NCAM1: variants seen among roughly 807,000 people sequenced by gnomAD.
The protein encoded by NCAM1 is antigen recognized by monoclonal antibody 5.1H11.
In NCAM1, 14 loss-of-function variants were observed where a neutral mutation model predicts 109.8. That is an observed-to-expected ratio of 0.13 (90% CI 0.08 to 0.20). The LOEUF (loss-of-function observed/expected upper bound fraction) is 0.20, where lower values mean the gene tolerates loss of function less well. NCAM1 is among the 10% of genes least tolerant of loss of function. The probability of loss-of-function intolerance (pLI) is 1.00; values close to 1 mark genes in which losing one functional copy is unlikely to be tolerated. For missense variants in NCAM1, 774 were observed against 1,109.9 expected (o/e 0.70, Z 4.30); for synonymous variants, 418 against 442.9 (o/e 0.94, Z 0.70).
At chr11:113,269,812 G>C (rs540488818) in intron 17 of NCAM1, 1 of 292,750 alleles carries the variant, frequency 3.4e-6, no homozygotes, top group Non-Finnish European at 6.6e-6. Flanking sequence ...AGTGATCACT[G>C]CCTGCCTGTG....
chr11:113,093,221 A>G (rs1939434801), intron 1 of NCAM1, among the ~76,000 whole-genome samples: 1 of 152,206 alleles, frequency 6.6e-6, no homozygotes, highest in African/African-American at 2.4e-5. Context: ...CCTAGCTCCC[A>G]GATGGAGGCC....
In NCAM1 at chr11:113,235,172, A is replaced by G; in HGVS notation, c.1825+8A>G. 1 of 1,613,926 alleles carries G rather than the reference A, an allele frequency of 6.2e-7. No individual in the cohort carries two copies. The highest frequency in any genetic ancestry group is 8.5e-7 in the Non-Finnish European group (1 of 1,179,846). On this transcript the variant is annotated splice_region_variant and intron_variant, in intron 14 of 19. Coordinates refer to ENST00000316851, the MANE Select transcript of NCAM1 (RefSeq NM_181351.5). ...TCAAGACGCAGCCAGTCCGTAAGTA[A>G]AGCCAGCTGCCCCCCTTTTCCCAGC...
intron 1 of NCAM1, among the ~76,000 whole-genome samples, chr11:113,095,672 T>G (rs1939563714): frequency 6.6e-6 from 1 of 152,250 alleles, no homozygotes; most frequent in African/African-American, 2.4e-5. Context: ...CATTTTATCC[T>G]TACAACAATC....
At position 113,276,677 on chromosome 11, in the gene NCAM1, TC is replaced by T. The variant is rs1555126657; in HGVS notation, c.*1291del. ...GGGAATTAGTGTCTTTTTTTGGAAATCTGTTGAAGTAAAGTAACATCGGCCT... is the reference window on the plus strand; with the variant it reads ...GGGAATTAGTGTCTTTTTTTGGAAATTGTTGAAGTAAAGTAACATCGGCCT... On this transcript the variant is annotated 3_prime_UTR_variant, in exon 20 of 20. Transcript: ENST00000316851. 6.6e-6 allele frequency: 1 copy of T among 152,618 alleles called. No homozygotes were observed. Among genetic ancestry groups the T allele is most frequent in the Non-Finnish European group, 1.5e-5 (1 of 68,054 alleles). 9.5% of individuals were successfully genotyped at this position (152,618 alleles called of 1,614,324 possible).
intron 1 of NCAM1, among the ~76,000 whole-genome samples, chr11:113,099,292 A>C (rs1939752446): frequency 6.6e-6 from 1 of 152,176 alleles, no homozygotes; most frequent in Non-Finnish European, 1.5e-5. Context: ...AATCAGAGAT[A>C]AAGAATAAAG....
At chr11:113,271,927 C>T (rs528742767) in intron 19 of NCAM1, 51 bp downstream of exon 19, 62 of 1,373,282 alleles carry the variant, frequency 4.5e-5, no homozygotes, top group African/African-American at 8.7e-5. Flanking sequence ...CCCCCACACC[C>T]ACCTCCCCAC....
chr11:113,218,032 A>C, intron 8 of NCAM1, among the ~76,000 whole-genome samples: 1 of 152,344 alleles, frequency 6.6e-6, no homozygotes, highest in East Asian at 1.9e-4. Context: ...TTAGAAGTCT[A>C]TGTGTCCAGG....
chr11:113,194,746 C>T (rs1223733101), intron 1 of NCAM1, among the ~76,000 whole-genome samples: 8 of 152,198 alleles, frequency 5.3e-5, no homozygotes, highest in African/African-American at 1.9e-4. Flanking sequence ...AAGACTGCAG[C>T]TTTCAAGAGG....
intron 1 of NCAM1, among the ~76,000 whole-genome samples, chr11:113,058,054 G>T (rs536441573): frequency 6.6e-6 from 1 of 152,154 alleles, no homozygotes; most frequent in African/African-American, 2.4e-5. Flanking sequence ...GGAGGCCGAG[G>T]TGGGCGTATT....
chr11:113,230,243 T>C (rs1944967155), intron 9 of NCAM1, among the ~76,000 whole-genome samples: 1 of 152,214 alleles, frequency 6.6e-6, no homozygotes, highest in South Asian at 2.1e-4. Context: ...TGGCATCTCC[T>C]GGGATGCATC....
chr11:113,213,930 A>T (rs782230057), intron 7 of NCAM1, among the ~76,000 whole-genome samples: 1 of 152,206 alleles, frequency 6.6e-6, no homozygotes, highest in African/African-American at 2.4e-5. Flanking sequence ...CCTGTGCCTC[A>T]TGCCACACTG....
chr11:113,203,762 G>A (rs374599370), intron 2 of NCAM1, among the ~76,000 whole-genome samples: 1 of 152,228 alleles, frequency 6.6e-6, no homozygotes, highest in East Asian at 1.9e-4. Flanking sequence ...AATAAATGTG[G>A]CTGGAAAAAA....
intron 9 of NCAM1, among the ~76,000 whole-genome samples, chr11:113,223,669 A>G (rs1944748913): frequency 6.6e-6 from 1 of 152,090 alleles, no homozygotes; most frequent in South Asian, 2.1e-4. Context: ...TCAATTTCCA[A>G]GTTTGTGTGT....
At chr11:113,248,847 T>C (rs1466120026) in intron 15 of NCAM1, among the ~76,000 whole-genome samples, 1 of 152,172 alleles carries the variant, frequency 6.6e-6, no homozygotes, top group East Asian at 1.9e-4. Context: ...CTGTAGAGGA[T>C]TGTGACAGAT....
intron 1 of NCAM1, among the ~76,000 whole-genome samples, chr11:112,996,024 C>G (rs781947471): frequency 6.6e-5 from 10 of 152,134 alleles, no homozygotes; most frequent in Admixed American, 2.0e-4. Flanking sequence ...AGGACCTGTC[C>G]TCCTCCCCTT....
chr11:113,193,773 G>C (rs1943769773), intron 1 of NCAM1, among the ~76,000 whole-genome samples: 1 of 152,148 alleles, frequency 6.6e-6, no homozygotes, highest in Admixed American at 6.5e-5. Context: ...GTGGGAGTGA[G>C]AGCCTGGGAA....
chr11:113,025,578 C>T (rs1555077053), intron 1 of NCAM1, among the ~76,000 whole-genome samples: 3 of 151,962 alleles, frequency 2.0e-5, no homozygotes, highest in Admixed American at 1.3e-4. Context: ...ATGCTGTATG[C>T]TCCAGAGAGT....
intron 1 of NCAM1, among the ~76,000 whole-genome samples, chr11:113,180,666 GAGTAGAAAA>G (rs1160378072): frequency 6.6e-6 from 1 of 152,214 alleles, no homozygotes; most frequent in African/African-American, 2.4e-5. Context: ...CTTGTACTTA[GAGTAGAAAA>G]AGTAGAAGAA....
chr11:113,174,774 A>G (rs1943096755), intron 1 of NCAM1, among the ~76,000 whole-genome samples: 1 of 152,234 alleles, frequency 6.6e-6, no homozygotes, highest in Admixed American at 6.5e-5. Context: ...AGTGGTGGTG[A>G]AGAGCAGGAA....
Sources: allele counts gnomAD v4.1 joint callset (sites outside exome capture counted in the v4.1 genomes callset), GRCh38; gene constraint gnomAD v4.1.1; transcripts MANE v1.5; gene names NCBI Gene and HGNC (gene_info 2026-07-23, HGNC 2026-07-21).